Variants in MYH9 observed in about 807,000 individuals in gnomAD.
MYH9 encodes the protein myosin-9.
In MYH9, 29 loss-of-function variants were observed where a neutral mutation model predicts 241.9. The ratio of observed to expected loss-of-function variants is 0.12; its 90% CI spans 0.09 to 0.16. MYH9 has a LOEUF of 0.16. Ranked by LOEUF, MYH9 falls within the 10% of genes least tolerant of loss-of-function variation. MYH9 has a pLI of 1.00. For missense variants in MYH9, 1,803 were observed against 2,595.5 expected (o/e 0.69, Z 6.63); for synonymous variants, 1,047 against 1,062.6 (o/e 0.99, Z 0.29).
intron 2 of MYH9, among the ~76,000 whole-genome samples, chr22:36,342,624 C>T (rs76360624): frequency 1.3e-5 from 2 of 151,662 alleles, no homozygotes; most frequent in Non-Finnish European, 2.9e-5. Flanking sequence ...AGATCCCTTT[C>T]CCCCACCAAA....
intron 34 of MYH9, among the ~76,000 whole-genome samples, chr22:36,287,868 T>C (rs2016614511): frequency 6.6e-6 from 1 of 152,226 alleles, no homozygotes; most frequent in Non-Finnish European, 1.5e-5. Flanking sequence ...TCCAAGTATG[T>C]GTCCCACACT....
chr22:36,335,384 G>A (rs1161141988), intron 3 of MYH9, among the ~76,000 whole-genome samples: 2 of 152,248 alleles, frequency 1.3e-5, no homozygotes, highest in African/African-American at 2.4e-5. Context: ...CCAGCAGACA[G>A]CGGTGCCTTT....
In MYH9 at chr22:36,343,406, C is replaced by T. The variant is rs189673297; in HGVS notation, c.334-1880G>A. On this transcript the variant is annotated intron_variant, in intron 2 of 40. Coordinates refer to ENST00000216181, the MANE Select transcript of MYH9 (RefSeq NM_002473.6). ...AAAAAATTAAAATAAAAATTAGCTG[C>T]GTGTGGTGGCATGCACCTGTAGTCC... 1.1e-3 allele frequency among the ~76,000 whole-genome samples: 168 copies of T among 151,682 alleles called. 2 individuals carry two copies. Among genetic ancestry groups the T allele is most frequent in the African/African-American group, 3.9e-3 (160 of 41,332 alleles).
At chr22:36,315,827 A>C (rs2017140827) in intron 12 of MYH9, among the ~76,000 whole-genome samples, 1 of 151,994 alleles carries the variant, frequency 6.6e-6, no homozygotes, top group South Asian at 2.1e-4. Flanking sequence ...TGTTTAGCTT[A>C]AAACACATCT....
chr22:36,321,980 C>T (rs778026934), intron 6 of MYH9, 159 bp from the exon 7 acceptor site: 10 of 710,820 alleles, frequency 1.4e-5, no homozygotes, highest in Admixed American at 2.1e-5. Context: ...GGGCCCCCTA[C>T]GCCCACACCA....
chr22:36,290,098 A>G lies in MYH9; in HGVS notation c.4345-801T>C, dbSNP rs547250497. ...AGCTGCTCTCAGATCTTTTGGAATA[A>G]GGAAGTGATATGAATGCATAAATAA... is the stretch of plus-strand genomic sequence containing the variant. On this transcript the variant is annotated intron_variant, in intron 31 of 40. Transcript: ENST00000216181. Among the ~76,000 whole-genome samples the G allele has an allele frequency of 3.9e-5, 6 of 152,284 alleles. No homozygotes were observed. In the East Asian group the frequency reaches 1.2e-3, roughly 29 times the overall value.
At position 36,312,514 on chromosome 22, in the gene MYH9, A is replaced by T. The variant is rs547599827; in HGVS notation, c.1555-292T>A. 2.0e-5 allele frequency among the ~76,000 whole-genome samples: 3 copies of T among 152,326 alleles called. No homozygotes were observed. The South Asian group carries it at 6.2e-4, about 32-fold the overall frequency. The stretch of plus-strand genomic sequence containing the variant: ...CACATCCGCTGACCCGCGGGGCCAG[A>T]GTCTGACTTCACAGTGCACTGGGGT... On this transcript the variant is annotated intron_variant, in intron 13 of 40. Coordinates refer to ENST00000216181, the MANE Select transcript of MYH9 (RefSeq NM_002473.6).
At position 36,285,102 on chromosome 22, in the gene MYH9, C is replaced by T. The variant is rs372448778; in HGVS notation, c.5483+19G>A. 300 of 1,611,618 alleles carry T rather than the reference C, an allele frequency of 1.9e-4. No homozygotes were observed. Among genetic ancestry groups the T allele is most frequent in the Non-Finnish European group, 2.4e-4 (279 of 1,179,056 alleles). ...TTTTTCCAGGACAGCTGGGGTTGGGCGGGGCCAGGGGCACGTACTTGGTCT... is the reference window on the plus strand; with the variant it reads ...TTTTTCCAGGACAGCTGGGGTTGGGTGGGGCCAGGGGCACGTACTTGGTCT... On this transcript the variant is annotated intron_variant, in intron 38 of 40. Transcript: ENST00000216181. The surrounding 1 kb of genome is among the most constrained non-coding windows in gnomAD (Gnocchi z 7.0).
chr22:36,320,666 A>C lies in MYH9; in HGVS notation c.868+132T>G. ...TCCTTAGGATGGCGCAGAGAACAGG[A>C]GTCACTCTCACTTCTCCCCGTTAAA... On this transcript the variant is annotated intron_variant, in intron 8 of 40. Coordinates refer to ENST00000216181, the MANE Select transcript of MYH9 (RefSeq NM_002473.6). The surrounding 1 kb of genome is among the most constrained non-coding windows in gnomAD (Gnocchi z 4.8). 1 of 782,868 alleles carries C rather than the reference A, an allele frequency of 1.3e-6. No homozygotes were observed. Among genetic ancestry groups the C allele is most frequent in the Non-Finnish European group, 2.2e-6 (1 of 461,988 alleles). 48.5% of individuals were successfully genotyped at this position (782,868 alleles called of 1,614,324 possible).
intron 1 of MYH9, among the ~76,000 whole-genome samples, chr22:36,363,230 C>T (rs1327952895): frequency 2.6e-5 from 4 of 152,204 alleles, no homozygotes; most frequent in Non-Finnish European, 5.9e-5. Flanking sequence ...GCGCAATCTG[C>T]CTTATACAGA....
At chr22:36,344,211 G>A (rs552114016) in intron 2 of MYH9, among the ~76,000 whole-genome samples, 2 of 152,250 alleles carry the variant, frequency 1.3e-5, no homozygotes, top group Admixed American at 6.5e-5. Context: ...TCGAGCAAGC[G>A]GCTTCGCGCC....
chr22:36,285,857 C>A lies in MYH9; in HGVS notation c.5150+8G>T, dbSNP rs2146328728. 6.2e-7 allele frequency: 1 copy of A among 1,613,828 alleles called. No individual in the cohort carries two copies. Among genetic ancestry groups the A allele is most frequent in the African/African-American group, 1.3e-5 (1 of 75,050 alleles). On this transcript the variant is annotated splice_region_variant and intron_variant, in intron 36 of 40. Transcript: ENST00000216181. This position sits in a 1 kb window ranked among gnomAD's most constrained non-coding sequence, Gnocchi z 7.0. ...TCCCCCCCAACTCTGCCCCCTCACT[C>A]AGCTCACCCTTTGCCGCTGCTGTTG...
Position 36,347,144 on chromosome 22 carries a change from G to C in MYH9, c.333+1760C>G, listed in dbSNP as rs536738631. 2.2e-4 allele frequency among the ~76,000 whole-genome samples: 34 copies of C among 152,260 alleles called. No homozygotes were observed. The South Asian group carries it at 2.7e-3, about 12-fold the overall frequency. On this transcript the variant is annotated intron_variant, in intron 2 of 40. Coordinates refer to ENST00000216181, the MANE Select transcript of MYH9 (RefSeq NM_002473.6). ...GGACTTTGTGACCCCAGAGCCCGTT[G>C]CCTCTGGGATGCATAAATGCTCATC...
chr22:36,304,000 G>A lies in MYH9; in HGVS notation c.2385C>T (p.Ala795=). Residue 795 remains alanine (A), a synonymous_variant, in exon 19 of 41, where the codon GCC becomes GCT. Coordinates refer to ENST00000216181, the MANE Select transcript of MYH9 (RefSeq NM_002473.6). ...GAGTATCTCCCGGGACTCACTTCCT[G>A]GCCAGGTAGCCCCTGCAGCAGGCCT... ...GFQACCRGYL[A]RKAFAKRQQQ... 2 of 1,613,508 alleles carry A rather than the reference G, an allele frequency of 1.2e-6. No individual in the cohort carries two copies. Among genetic ancestry groups the A allele is most frequent in the Non-Finnish European group, 1.7e-6 (2 of 1,180,014 alleles).
At chr22:36,382,187 AG>A (rs1481540452) in intron 1 of MYH9, among the ~76,000 whole-genome samples, 4 of 151,972 alleles carry the variant, frequency 2.6e-5, no homozygotes, top group Admixed American at 2.0e-4. Flanking sequence ...AAGGTACCAG[AG>A]TGCTGGCCAG....
chr22:36,301,971 C>T (rs1022649051), intron 20 of MYH9, among the ~76,000 whole-genome samples: 3 of 152,038 alleles, frequency 2.0e-5, no homozygotes, highest in Non-Finnish European at 4.4e-5. Context: ...ATGATGTGTT[C>T]CCTAGGGAAC....
intron 3 of MYH9, among the ~76,000 whole-genome samples, chr22:36,327,702 T>C (rs942572741): frequency 3.9e-5 from 6 of 152,138 alleles, no homozygotes; most frequent in African/African-American, 1.4e-4. Context: ...GGAGCTCAGA[T>C]TGTCCACCCA....
intron 1 of MYH9, among the ~76,000 whole-genome samples, chr22:36,376,009 T>C (rs933504939): frequency 7.4e-6 from 1 of 134,768 alleles, no homozygotes; most frequent in Admixed American, 8.7e-5. Flanking sequence ...TTGACCAGGC[T>C]AGAGTGCAGT....
chr22:36,373,287 G>A (rs111819519), intron 1 of MYH9, among the ~76,000 whole-genome samples: 9 of 152,234 alleles, frequency 5.9e-5, no homozygotes, highest in Admixed American at 1.3e-4. Flanking sequence ...TGCCACCCTC[G>A]GTAGGGTCTC....
Sources: allele counts gnomAD v4.1 joint callset (sites outside exome capture counted in the v4.1 genomes callset), GRCh38; gene constraint gnomAD v4.1.1; non-coding constraint Gnocchi (gnomAD v3.1); transcripts MANE v1.5; gene names NCBI Gene and HGNC (gene_info 2026-07-23, HGNC 2026-07-21).